SMNDC1: variants seen among roughly 807,000 people sequenced by gnomAD.
The protein encoded by SMNDC1 is survival of motor neuron-related-splicing factor 30.
Under a neutral mutation model 29.2 loss-of-function variants are expected in SMNDC1, and 5 were observed. The ratio of observed to expected loss-of-function variants is 0.17; its 90% confidence interval spans 0.09 to 0.36. SMNDC1 has a LOEUF of 0.36. Ranked by LOEUF, SMNDC1 falls within the 10% of genes least tolerant of loss-of-function variation. The pLI is 1.00. For synonymous variants in SMNDC1, 80 were observed against 89.9 expected (o/e 0.89, Z 0.62); for missense variants, 142 against 268.5 (o/e 0.53, Z 3.29).
intron 2 of SMNDC1, among the ~76,000 whole-genome samples, chr10:110,299,181 G>C (rs1857610418): frequency 6.6e-6 from 1 of 152,268 alleles, no homozygotes; most frequent in East Asian, 1.9e-4. Context: ...CAACTGTACT[G>C]TTTTATAGGG....
intron 2 of SMNDC1, among the ~76,000 whole-genome samples, chr10:110,300,088 T>C (rs1204194786): frequency 6.6e-6 from 1 of 152,192 alleles, no homozygotes. Context: ...TCTGGTCTTA[T>C]TTTTAACCAC....
Position 110,293,982 on chromosome 10 carries a change from T to C in SMNDC1, c.*168A>G, listed in dbSNP as rs1857532223. 1.9e-6 allele frequency: 1 copy of C among 520,654 alleles called. No homozygotes were observed. 32.3% of individuals were successfully genotyped at this position (520,654 alleles called of 1,614,324 possible). ...CTGATAATGAGAAAAGTTAAATGAA[T>C]AGCAGTTATCAAATGCAATTTCTTC... On this transcript the variant is annotated 3_prime_UTR_variant, in exon 6 of 6. Transcript: ENST00000369603.
intron 4 of SMNDC1, among the ~76,000 whole-genome samples, chr10:110,295,638 C>CTTT (rs34495271): frequency 2.5e-4 from 35 of 142,236 alleles, no homozygotes; most frequent in South Asian, 4.4e-4. Flanking sequence ...TCAACTATGC[C>CTTT]TTTTTTTTTT....
chr10:110,295,267 T>C lies in SMNDC1; in HGVS notation c.540A>G (p.Gln180=). ...EREDQKVKWQ[Q]FNNRAYSKNK... ...TTTTAGAATAGGCTCTGTTGTTGAA[T>C]TGTTGCCATTTCACTTTCTGGTCCT... The change falls in exon 5 of 6, where the codon CAA becomes CAG. Residue 180 remains glutamine, a synonymous_variant. Transcript: ENST00000369603. 6.2e-7 allele frequency: 1 copy of C among 1,608,286 alleles called. No individual in the cohort carries two copies. The highest frequency in any genetic ancestry group is 8.5e-7 in the Non-Finnish European group (1 of 1,178,648).
chr10:110,299,982 T>A (rs1191476078), intron 2 of SMNDC1, among the ~76,000 whole-genome samples: 1 of 152,230 alleles, frequency 6.6e-6, no homozygotes, highest in Non-Finnish European at 1.5e-5. Flanking sequence ...CAACTAGCCA[T>A]TAATTAGATC....
At chr10:110,302,046 G>A (rs999480984) in intron 2 of SMNDC1, among the ~76,000 whole-genome samples, 1 of 152,176 alleles carries the variant, frequency 6.6e-6, no homozygotes, top group African/African-American at 2.4e-5. Flanking sequence ...GGCACCCAGT[G>A]TTTTCTTTTC....
chr10:110,293,010 TA>T lies in SMNDC1; in HGVS notation c.*1139del, dbSNP rs1213043497. 6.6e-6 allele frequency: 1 copy of T among 152,218 alleles called. No individual in the cohort carries two copies. The highest frequency in any genetic ancestry group is 1.5e-5 in the Non-Finnish European group (1 of 68,026). 9.4% of individuals were successfully genotyped at this position (152,218 alleles called of 1,614,324 possible). The stretch of plus-strand genomic sequence containing the variant: ...TTTAATTGCTTTAAGTGCTGACAGC[TA>T]AAGACTTTACCCTTTTGTTAACACA... On this transcript the variant is annotated 3_prime_UTR_variant, in exon 6 of 6. Coordinates refer to ENST00000369603, the MANE Select transcript of SMNDC1 (RefSeq NM_005871.4).
intron 3 of SMNDC1, among the ~76,000 whole-genome samples, chr10:110,298,027 C>T (rs769043740): frequency 3.9e-5 from 6 of 152,142 alleles, no homozygotes; most frequent in Non-Finnish European, 4.4e-5. Context: ...GTCTCACTGT[C>T]GCCCAGGCTG....
rs528153207 is a variant in SMNDC1, at chr10:110,298,254, G to A, written c.263+394C>T. Reference sequence around the variant, plus strand: ...TCTGCCTGCCTCAGCCTCCCAAAGTGCTGAGATTACAGGCATGAGCCACCA... The same window carrying A: ...TCTGCCTGCCTCAGCCTCCCAAAGTACTGAGATTACAGGCATGAGCCACCA... On this transcript the variant is annotated intron_variant, in intron 3 of 5. Transcript: ENST00000369603. 1.0e-3 allele frequency among the ~76,000 whole-genome samples: 152 copies of A among 152,280 alleles called. 1 individual carries two copies. Among genetic ancestry groups the A allele is most frequent in the Non-Finnish European group, 1.9e-3 (130 of 68,018 alleles).
rs1857512358 is a variant in SMNDC1, at chr10:110,292,703, TGA to T, written c.*1445_*1446del. 1 of 152,116 alleles carries T rather than the reference TGA, an allele frequency of 6.6e-6. No individual in the cohort carries two copies. The highest frequency in any genetic ancestry group is 2.1e-4 in the South Asian group (1 of 4,830). The allele number at this position is 152,116 out of a possible 1,614,324, so 9.4% of individuals were successfully genotyped here. A position where few individuals can be genotyped will look rare whatever the true frequency, so the allele number is the denominator to read the frequency against. On this transcript the variant is annotated 3_prime_UTR_variant, in exon 6 of 6. Transcript: ENST00000369603. ...TGAAGAAAAAGTGACCCTCCTGGGT[TGA>T]GAGGGGTGGGTGTGGAAGGGAGAGA... is the stretch of plus-strand genomic sequence containing the variant.
intron 4 of SMNDC1, among the ~76,000 whole-genome samples, chr10:110,295,656 G>A (rs1349511966): frequency 2.2e-5 from 3 of 139,402 alleles, no homozygotes; most frequent in South Asian, 2.2e-4. Context: ...TTTTTTTGGC[G>A]ACAAAGTCTT....
chr10:110,300,598 C>T (rs79606633), intron 2 of SMNDC1: 56,862 of 985,286 alleles, frequency 0.058, 1,812 homozygotes, highest in Middle Eastern at 0.14. Context: ...GCTCCTTCAT[C>T]GACAGATGGG....
chr10:110,302,166 T>G (rs187733025), intron 2 of SMNDC1, among the ~76,000 whole-genome samples: 151 of 152,282 alleles, frequency 9.9e-4, no homozygotes, highest in Non-Finnish European at 1.8e-3. Flanking sequence ...GTGCCTCTGT[T>G]GCCTCATCTT....
intron 2 of SMNDC1, among the ~76,000 whole-genome samples, chr10:110,302,783 T>C (rs185535354): frequency 1.9e-3 from 295 of 152,302 alleles, no homozygotes; most frequent in African/African-American, 7.0e-3. Context: ...CTATGATGGC[T>C]CTATGTTTGT....
chr10:110,301,008 G>A (rs1341172684), intron 2 of SMNDC1, among the ~76,000 whole-genome samples: 2 of 152,182 alleles, frequency 1.3e-5, no homozygotes, highest in Non-Finnish European at 2.9e-5. Flanking sequence ...CTGGCAAAAT[G>A]AAGTCATTGA....
chr10:110,298,810 A>T lies in SMNDC1; in HGVS notation c.121-20T>A, dbSNP rs1337989704. 4 of 1,576,836 alleles carry T rather than the reference A, an allele frequency of 2.5e-6. No individual in the cohort carries two copies. The South Asian group carries it at 3.4e-5, about 13-fold the overall frequency. ...AACTTCCTAAAAAAGAAAAACAAAA[A>T]CTACAACATTATTTTTATAATTCTC... On this transcript the variant is annotated intron_variant, in intron 2 of 5. Transcript: ENST00000369603.
rs1481669458 is a variant in SMNDC1 at position 110,303,582 on chromosome 10, T to C, written c.6A>G (p.Ser2=). ...TTGCCAGCTGCTTTGCTAAATCCTC[T>C]GACATCTAGGGAAAATAAAAAGGGT... M[S]EDLAKQLASY... is the part of the protein sequence containing the mutation. The change falls in exon 2 of 6, where the codon TCA becomes TCG. Residue 2 remains serine (S), a synonymous_variant. Coordinates refer to ENST00000369603, the MANE Select transcript of SMNDC1 (RefSeq NM_005871.4). 2 of 1,583,282 alleles carry C rather than the reference T, an allele frequency of 1.3e-6. No homozygotes were observed. Among genetic ancestry groups the C allele is most frequent in the Admixed American group, 1.9e-5 (1 of 52,388 alleles).
intron 1 of SMNDC1, chr10:110,304,338 A>G (rs1425476693): frequency 6.6e-6 from 1 of 152,114 alleles, no homozygotes; most frequent in East Asian, 1.9e-4. Context: ...GAGCCTGCAA[A>G]GGCCCCCTAA....
At chr10:110,303,078 T>C (rs1857679425) in intron 2 of SMNDC1, among the ~76,000 whole-genome samples, 1 of 152,242 alleles carries the variant, frequency 6.6e-6, no homozygotes, top group Admixed American at 6.5e-5. Flanking sequence ...AAAAAGAATC[T>C]TAAGGTTCTA....
Sources: allele counts gnomAD v4.1 joint callset (sites outside exome capture counted in the v4.1 genomes callset), GRCh38; gene constraint gnomAD v4.1.1; transcripts MANE v1.5; gene names NCBI Gene and HGNC (gene_info 2026-07-23, HGNC 2026-07-21).